ENTHD1: variants seen among roughly 807,000 people sequenced by gnomAD.
ENTHD1 encodes the protein ENTH domain-containing protein 1.
Under a neutral mutation model 39.1 loss-of-function variants are expected in ENTHD1, and 23 were observed. That is an observed-to-expected ratio of 0.59 (90% CI 0.42 to 0.83). ENTHD1 has a LOEUF of 0.83. Among genes scored for constraint, ENTHD1 ranks in the 40% least tolerant of loss-of-function variants. The probability of loss-of-function intolerance (pLI) is 0.00; values close to 1 mark genes in which losing one functional copy is unlikely to be tolerated. For synonymous variants in ENTHD1, 230 were observed against 258.2 expected, an observed-to-expected ratio of 0.89 and a Z score of 1.05; for missense variants, 624 against 705.4, an observed-to-expected ratio of 0.88 and a Z score of 1.31.
rs2065266988 is a variant in ENTHD1, at chr22:39,765,281, C to T, written c.1161G>A (p.Gln387=). The T allele has an allele frequency of 3.1e-6, 5 of 1,613,214 alleles. No individual in the cohort carries two copies. The East Asian group carries it at 1.1e-4, about 36-fold the overall frequency. Residue 387 remains glutamine, a synonymous_variant, in exon 6 of 7, where the codon CAG becomes CAA. Coordinates refer to ENST00000325157, the MANE Select transcript of ENTHD1 (RefSeq NM_152512.4). ...TCTGAATGCTGGATTGTGCTGGTTT[C>T]TGGTAGGCCTTGTTGATTACAATCT... ...VKEIVINKAY[Q]KPAQSSIQMD...
intron 6 of ENTHD1, among the ~76,000 whole-genome samples, chr22:39,760,345 T>C (rs1056479471): frequency 6.6e-6 from 1 of 152,044 alleles, no homozygotes; most frequent in Admixed American, 6.5e-5. Flanking sequence ...AGTTGCTGTA[T>C]ATCCCTCATG....
chr22:39,821,559 C>G (rs2146650589), intron 4 of ENTHD1, among the ~76,000 whole-genome samples: 1 of 152,318 alleles, frequency 6.6e-6, no homozygotes, highest in South Asian at 2.1e-4. Context: ...CAACTGATGG[C>G]TAATCTTGTT....
intron 5 of ENTHD1, among the ~76,000 whole-genome samples, chr22:39,779,799 G>GT (rs1412658843): frequency 6.6e-6 from 1 of 152,004 alleles, no homozygotes; most frequent in African/African-American, 2.4e-5. Context: ...AGTGTAGAAA[G>GT]TTTTTTTCAT....
chr22:39,752,020 TTCTCTA>T (rs1419559350), intron 6 of ENTHD1, among the ~76,000 whole-genome samples: 7 of 152,124 alleles, frequency 4.6e-5, no homozygotes, highest in East Asian at 1.9e-4. Flanking sequence ...GCATATCTAT[TTCTCTA>T]TCTCTATAGA....
At chr22:39,793,331 A>T in intron 5 of ENTHD1, among the ~76,000 whole-genome samples, 2 of 142,686 alleles carry the variant, frequency 1.4e-5, no homozygotes, top group African/African-American at 2.6e-5. Context: ...TTTTAATGGG[A>T]TTATTAGTTG....
intron 5 of ENTHD1, among the ~76,000 whole-genome samples, chr22:39,816,910 T>C (rs1212884884): frequency 6.6e-6 from 1 of 151,740 alleles, no homozygotes; most frequent in Non-Finnish European, 1.5e-5. Flanking sequence ...TATATATCTA[T>C]AGATATATAG....
chr22:39,752,576 A>G (rs1263145651), intron 6 of ENTHD1, among the ~76,000 whole-genome samples: 1 of 152,266 alleles, frequency 6.6e-6, no homozygotes, highest in Non-Finnish European at 1.5e-5. Flanking sequence ...ATTTTTAAAA[A>G]GTGTAACATT....
chr22:39,824,929 A>G (rs566321263), intron 4 of ENTHD1, among the ~76,000 whole-genome samples: 1 of 152,332 alleles, frequency 6.6e-6, no homozygotes, highest in East Asian at 1.9e-4. Flanking sequence ...TTTTAGAACA[A>G]GGTTATTATC....
intron 5 of ENTHD1, among the ~76,000 whole-genome samples, chr22:39,806,666 G>A (rs1358119548): frequency 1.3e-5 from 2 of 152,108 alleles, no homozygotes; most frequent in African/African-American, 4.8e-5. Context: ...AGTGGCTTTG[G>A]TTTGATGGTG....
intron 3 of ENTHD1, 29 bp downstream of exon 3, chr22:39,861,736 C>A: frequency 7.1e-7 from 1 of 1,413,130 alleles, no homozygotes; most frequent in Non-Finnish European, 9.3e-7. Flanking sequence ...ATACCTGTTG[C>A]ATTTTAGGCC....
intron 5 of ENTHD1, among the ~76,000 whole-genome samples, chr22:39,797,326 ATCATTTAAGCAGAAATTT>A (rs1186938626): frequency 6.6e-6 from 1 of 152,224 alleles, no homozygotes. Context: ...GTCAGTCTAT[ATCATTTAAGCAGAAATTT>A]TAATTCTTTT....
intron 3 of ENTHD1, among the ~76,000 whole-genome samples, chr22:39,843,288 T>G (rs2065959556): frequency 6.6e-6 from 1 of 151,940 alleles, no homozygotes; most frequent in South Asian, 2.1e-4. Flanking sequence ...CCATAAAAAA[T>G]GATGAGTTCA....
intron 6 of ENTHD1, among the ~76,000 whole-genome samples, chr22:39,745,780 T>C (rs981604409): frequency 1.1e-4 from 16 of 152,250 alleles, no homozygotes; most frequent in African/African-American, 3.9e-4. Flanking sequence ...ACTCTGCTTT[T>C]AGGCTTAATG....
chr22:39,791,786 C>T (rs1247546850), intron 5 of ENTHD1, among the ~76,000 whole-genome samples: 1 of 152,040 alleles, frequency 6.6e-6, no homozygotes, highest in African/African-American at 2.4e-5. Context: ...TATAGATAAG[C>T]TTGTGACTTG....
intron 3 of ENTHD1, among the ~76,000 whole-genome samples, chr22:39,850,543 C>G (rs1266190318): frequency 1.3e-5 from 2 of 152,142 alleles, no homozygotes; most frequent in African/African-American, 2.4e-5. Context: ...GATTATTAAT[C>G]TATCTGGGCT....
At chr22:39,810,331 A>C (rs568507193) in intron 5 of ENTHD1, among the ~76,000 whole-genome samples, 7 of 152,200 alleles carry the variant, frequency 4.6e-5, no homozygotes, top group Admixed American at 3.9e-4. Flanking sequence ...CAGGTGACAC[A>C]TGAAGTCTTG....
chr22:39,863,565 T>A (rs1328431100), intron 2 of ENTHD1, among the ~76,000 whole-genome samples: 2 of 152,192 alleles, frequency 1.3e-5, no homozygotes, highest in African/African-American at 4.8e-5. Context: ...CACTCGAATA[T>A]AAGGTATTAC....
intron 5 of ENTHD1, among the ~76,000 whole-genome samples, chr22:39,767,309 A>G (rs1272717228): frequency 6.6e-6 from 1 of 152,230 alleles, no homozygotes. Flanking sequence ...TGACTGAATT[A>G]TATTTAGATG....
intron 5 of ENTHD1, among the ~76,000 whole-genome samples, chr22:39,783,696 T>C (rs2065430847): frequency 6.6e-6 from 1 of 151,994 alleles, no homozygotes; most frequent in Admixed American, 6.6e-5. Flanking sequence ...TGGATAACTA[T>C]AGGAAAAGAA....
Sources: gnomAD v4.1 joint callset for allele counts (sites outside exome capture counted in the v4.1 genomes callset) on GRCh38, gnomAD v4.1.1 for gene constraint, MANE v1.5 for transcripts, NCBI Gene and HGNC (gene_info 2026-07-23, HGNC 2026-07-21) for gene names.